The following PRKDC variants were observed in gnomAD, a reference collection of about 807,000 sequenced individuals.
PRKDC encodes the protein DNA-dependent protein kinase catalytic subunit.
In PRKDC, 82 loss-of-function variants were observed where a neutral mutation model predicts 486.9. That is an observed-to-expected ratio of 0.17 (90% confidence interval 0.14 to 0.20). PRKDC has a LOEUF of 0.20. Ranked by LOEUF, PRKDC falls within the 10% of genes least tolerant of loss-of-function variation. The pLI, the probability that PRKDC is intolerant of heterozygous loss-of-function variation, is 1.00. For missense variants in PRKDC, 4,504 were observed against 5,038.2 expected, an observed-to-expected ratio of 0.89 and a Z score of 3.21; for synonymous variants, 1,895 against 1,837.0, an observed-to-expected ratio of 1.03 and a Z score of -0.81.
At chr8:47,862,176 C>T in intron 43 of PRKDC, 49 bp from the exon 44 acceptor site, 2 of 1,478,374 alleles carry the variant, frequency 1.4e-6, no homozygotes, top group Non-Finnish European at 1.8e-6. Context: ...TGAAGATCCT[C>T]ATAATCGATG....
chr8:47,943,470 A>G, intron 9 of PRKDC, 104 bp from the exon 10 acceptor site: 1 of 1,208,804 alleles, frequency 8.3e-7, no homozygotes. Flanking sequence ...GTGCTCAGGA[A>G]GATCTAGTAC....
chr8:47,881,712 A>G (rs2089222526), intron 37 of PRKDC, among the ~76,000 whole-genome samples, 192 bp from the exon 38 acceptor site: 1 of 152,260 alleles, frequency 6.6e-6, no homozygotes, highest in Non-Finnish European at 1.5e-5. Context: ...GGTACTTTAA[A>G]AAGATATAGC....
chr8:47,847,006 T>A (rs1323593345), intron 54 of PRKDC, among the ~76,000 whole-genome samples: 1 of 152,104 alleles, frequency 6.6e-6, no homozygotes, highest in Non-Finnish European at 1.5e-5. Context: ...AAATCAGAGA[T>A]GATACAAATA....
chr8:47,895,055 C>A (rs1392628196), intron 30 of PRKDC, among the ~76,000 whole-genome samples: 2 of 152,042 alleles, frequency 1.3e-5, no homozygotes, highest in African/African-American at 2.4e-5. Context: ...CTAGCCTGGG[C>A]AACAGAGTGA....
At chr8:47,788,831 A>G (rs1366631008) in intron 76 of PRKDC, 75 bp downstream of exon 76, 13 of 1,258,200 alleles carry the variant, frequency 1.0e-5, no homozygotes, top group African/African-American at 1.5e-5. Context: ...TACAAATATT[A>G]TTACATTTAA....
chr8:47,935,230 G>A (rs566019253), intron 13 of PRKDC, among the ~76,000 whole-genome samples, 172 bp from the exon 14 acceptor site: 8 of 152,218 alleles, frequency 5.3e-5, no homozygotes, highest in East Asian at 1.9e-4. Context: ...GGCCAGGCGC[G>A]GTGGCTCATG....
At chr8:47,871,329 A>AAG (rs759271756) in intron 40 of PRKDC, among the ~76,000 whole-genome samples, 2 of 152,184 alleles carry the variant, frequency 1.3e-5, no homozygotes, top group African/African-American at 2.4e-5. Flanking sequence ...AAAGGATCCC[A>AAG]AGAGAAGCAA....
chr8:47,949,914 A>C (rs1447892396), intron 7 of PRKDC, among the ~76,000 whole-genome samples: 1 of 152,254 alleles, frequency 6.6e-6, no homozygotes. Context: ...GTAATTTTGT[A>C]AGTTTCAACC....
rs749940416 is a variant in PRKDC, at chr8:47,915,345, T to C, written c.2600A>G (p.Asn867Ser). The C allele has an allele frequency of 2.6e-6, 4 of 1,549,356 alleles. No individual in the cohort carries two copies. In the East Asian group the frequency reaches 6.8e-5, roughly 27 times the overall value. The change falls in exon 23 of 86, where the codon AAC (asparagine) becomes AGC (serine). Residue 867 changes from asparagine (N) to serine (S), a missense_variant. Physicochemically the swap from Asn to Ser is conservative, Grantham distance 46. Coordinates refer to ENST00000314191, the MANE Select transcript of PRKDC (RefSeq NM_006904.7). ...AAGTTTACCTGTCAGAAGATTTTTG[T>C]TTATTTGTCCTCCTAGAGATCCAAG... ...QMLGSLGGQI[N>S]KNLLTVTSSD...
chr8:47,932,872 G>C (rs986383354), intron 16 of PRKDC, 148 bp downstream of exon 16: 2 of 572,934 alleles, frequency 3.5e-6, no homozygotes, highest in Non-Finnish European at 5.8e-6. Flanking sequence ...ACATCCAACA[G>C]AAATGCATCA....
chr8:47,851,701 G>A lies in PRKDC; in HGVS notation c.7005+972C>T, dbSNP rs146198064. On this transcript the variant is annotated intron_variant, in intron 52 of 85. Transcript: ENST00000314191. ...TAAAGCCATGAGGCTGGACGAGGCG[G>A]GCAGGGGAGCAGTGAGTGAGGCCAA... Among the ~76,000 whole-genome samples the A allele has an allele frequency of 3.6e-3, 554 of 152,334 alleles. 9 individuals carry two copies. The highest frequency in any genetic ancestry group is 0.013 in the African/African-American group (524 of 41,586).
chr8:47,800,735 A>G, intron 71 of PRKDC, 58 bp downstream of exon 71: 1 of 1,461,396 alleles, frequency 6.8e-7, no homozygotes, highest in Non-Finnish European at 9.2e-7. Flanking sequence ...TGTAGCCTGA[A>G]CACTGCACAT....
chr8:47,878,473 G>A (rs1370285742), intron 39 of PRKDC, among the ~76,000 whole-genome samples: 7 of 152,042 alleles, frequency 4.6e-5, no homozygotes, highest in Non-Finnish European at 8.8e-5. Context: ...ACATGGAGAC[G>A]TGCCTTCAAC....
chr8:47,823,811 CAA>C (rs1563752984), intron 64 of PRKDC, 45 bp downstream of exon 64: 4 of 1,604,450 alleles, frequency 2.5e-6, no homozygotes, highest in East Asian at 2.2e-5. Context: ...CAGCAGAAAA[CAA>C]AAGTGTTGAA....
At position 47,873,984 on chromosome 8, in the gene PRKDC, AT is replaced by A. The variant is rs1200890690; in HGVS notation, c.5363+3739del. On this transcript the variant is annotated intron_variant, in intron 40 of 85. Transcript: ENST00000314191. Reference sequence around the variant, plus strand: ...TGATTACAGTCAATGGTATTTTGCTATTTTTTTTTTTTTTTTTTTTGAGACG... The same window carrying A: ...TGATTACAGTCAATGGTATTTTGCTATTTTTTTTTTTTTTTTTTTGAGACG... Among the ~76,000 whole-genome samples the A allele has an allele frequency of 9.5e-3, 1,242 of 130,124 alleles. 6 individuals carry two copies. Among genetic ancestry groups the A allele is most frequent in the South Asian group, 0.028 (118 of 4,172 alleles). 85.4% of individuals were successfully genotyped at this position (130,124 alleles called of 152,430 possible).
At chr8:47,800,389 A>G (rs2087078765) in intron 71 of PRKDC, among the ~76,000 whole-genome samples, 1 of 151,150 alleles carries the variant, frequency 6.6e-6, no homozygotes, top group South Asian at 2.1e-4. Context: ...GTTCTCACTC[A>G]TAGGTGGGAA....
chr8:47,813,784 G>T (rs567292621), intron 68 of PRKDC, among the ~76,000 whole-genome samples: 1 of 152,192 alleles, frequency 6.6e-6, no homozygotes, highest in East Asian at 1.9e-4. Flanking sequence ...ATGTTTGTCA[G>T]GCTGGTCTTG....
At chr8:47,881,789 G>C in intron 37 of PRKDC, 123 bp downstream of exon 37, 3 of 879,244 alleles carry the variant, frequency 3.4e-6, no homozygotes, top group Non-Finnish European at 5.0e-6. Context: ...CAACCATCCT[G>C]TCAAAATATT....
rs139787518 is a variant in PRKDC, at chr8:47,944,436, A to G, written c.722-407T>C. Among the ~76,000 whole-genome samples, 64 of 151,874 alleles carry G rather than the reference A, an allele frequency of 4.2e-4. No individual in the cohort carries two copies. The East Asian group carries it at 0.011, about 26-fold the overall frequency. ...CATGGCCAAACATACCATTCTCCCC[A>G]ATACACCCAGGCATTTATTCAACAC... On this transcript the variant is annotated intron_variant, in intron 7 of 85. Transcript: ENST00000314191.
Sources: gnomAD v4.1 joint callset for allele counts (sites outside exome capture counted in the v4.1 genomes callset) on GRCh38, gnomAD v4.1.1 for gene constraint, MANE v1.5 for transcripts, NCBI Gene and HGNC (gene_info 2026-07-23, HGNC 2026-07-21) for gene names.